PCDHGA6: variants seen among roughly 807,000 people sequenced by gnomAD.
PCDHGA6 encodes the protein protocadherin gamma-A6.
In PCDHGA6, 41 loss-of-function variants were observed where a neutral mutation model predicts 60.6. The ratio of observed to expected loss-of-function variants is 0.68; its 90% confidence interval spans 0.53 to 0.88. The LOEUF (loss-of-function observed/expected upper bound fraction) is 0.88, where lower values mean the gene tolerates loss of function less well. Among genes scored for constraint, PCDHGA6 ranks in the 40% least tolerant of loss-of-function variants. The pLI, the probability that PCDHGA6 is intolerant of heterozygous loss-of-function variation, is 0.00. For missense variants in PCDHGA6, 1,312 were observed against 1,203.0 expected (o/e 1.09, Z -1.34); for synonymous variants, 594 against 524.4 (o/e 1.13, Z -1.81).
At chr5:141,392,693 C>T (rs1315405629) in intron 1 of PCDHGA6, 5 of 1,161,626 alleles carry the variant, frequency 4.3e-6, no homozygotes, top group Non-Finnish European at 5.8e-6. Context: ...GAAACCCGAC[C>T]CCTGTTTGGA....
At position 141,484,932 on chromosome 5, in the gene PCDHGA6, C is replaced by T. The variant is rs1594431677; in HGVS notation, c.2425-9875C>T. On this transcript the variant is annotated intron_variant, in intron 1 of 3. Coordinates refer to ENST00000517434, the MANE Select transcript of PCDHGA6 (RefSeq NM_018919.3). ...CGCATTAACCCTGCTGCTGTTGGGA[C>T]GTTCTCTGCTCAGCCTATTGGCTGA... 1.2e-5 allele frequency: 6 copies of T among 501,356 alleles called. No individual in the cohort carries two copies. The East Asian group carries it at 1.4e-4, about 12-fold the overall frequency. 31.1% of individuals were successfully genotyped at this position (501,356 alleles called of 1,614,324 possible).
intron 1 of PCDHGA6, among the ~76,000 whole-genome samples, chr5:141,466,725 G>A (rs1184472416): frequency 2.6e-5 from 4 of 152,024 alleles, no homozygotes; most frequent in Non-Finnish European, 5.9e-5. Context: ...TTCCATTTTA[G>A]CAGAATTCAT....
rs1318239086 is a variant in PCDHGA6 at position 141,375,939 on chromosome 5, T to C, written c.1856T>C (p.Val619Ala). 2.5e-6 allele frequency: 4 copies of C among 1,613,658 alleles called. No homozygotes were observed. In the East Asian group the frequency reaches 8.9e-5, roughly 36 times the overall value. Residue 619 changes from valine to alanine, a missense_variant, in exon 1 of 4, where the codon GTG (valine) becomes GCG (alanine). Transcript: ENST00000517434. ...LKASEPGLFS[V>A]GLHTGEVRTA... ...GCCAGCGAGCCAGGACTTTTCTCAGTGGGCCTGCACACGGGCGAGGTGCGC... is the reference window on the plus strand; with the variant it reads ...GCCAGCGAGCCAGGACTTTTCTCAGCGGGCCTGCACACGGGCGAGGTGCGC...
Position 141,486,672 on chromosome 5 carries a change from G to A in PCDHGA6, c.2425-8135G>A. The A allele has an allele frequency of 5.0e-6, 8 of 1,614,000 alleles. No homozygotes were observed. Among genetic ancestry groups the A allele is most frequent in the Non-Finnish European group, 5.9e-6 (7 of 1,180,028 alleles). On this transcript the variant is annotated intron_variant, in intron 1 of 3. Coordinates refer to ENST00000517434, the MANE Select transcript of PCDHGA6 (RefSeq NM_018919.3). This position sits in a 1 kb window ranked among gnomAD's most constrained non-coding sequence, Gnocchi z 5.0. Reference sequence around the variant, plus strand: ...TACTCACTCCTGGAGCCCAGGAATCGAGATGTATCAGCTTCCTCTTTCATC... The same window carrying A: ...TACTCACTCCTGGAGCCCAGGAATCAAGATGTATCAGCTTCCTCTTTCATC...
At chr5:141,492,487 C>G (rs1031047955) in intron 1 of PCDHGA6, among the ~76,000 whole-genome samples, 1 of 152,222 alleles carries the variant, frequency 6.6e-6, no homozygotes, top group Non-Finnish European at 1.5e-5. Flanking sequence ...CGCCCAGGAC[C>G]AGGCGAGGAC....
In PCDHGA6 at chr5:141,423,718, A is replaced by G. The variant is rs1450410707; in HGVS notation, c.2424+47211A>G. The G allele has an allele frequency of 4.8e-6, 5 of 1,049,028 alleles. No homozygotes were observed. In the East Asian group the frequency reaches 2.9e-4, roughly 60 times the overall value. 65.0% of individuals were successfully genotyped at this position (1,049,028 alleles called of 1,614,324 possible). On this transcript the variant is annotated intron_variant, in intron 1 of 3. Coordinates refer to ENST00000517434, the MANE Select transcript of PCDHGA6 (RefSeq NM_018919.3). The stretch of plus-strand genomic sequence containing the variant: ...GTGTCTTGGCACAAGTCTTTTAAGG[A>G]GATGTTTTTTGAGCCTGTTATGAAA...
intron 1 of PCDHGA6, among the ~76,000 whole-genome samples, chr5:141,467,628 CA>C (rs1301043003): frequency 6.6e-6 from 1 of 152,106 alleles, no homozygotes; most frequent in Non-Finnish European, 1.5e-5. Context: ...TTTGAGATAG[CA>C]TCTTTATCAT....
chr5:141,497,825 C>T (rs1015168533), intron 2 of PCDHGA6, among the ~76,000 whole-genome samples: 3 of 152,154 alleles, frequency 2.0e-5, no homozygotes, highest in Admixed American at 6.5e-5. Context: ...CAGGTGTGAT[C>T]GCCCCCGGCC....
Position 141,374,678 on chromosome 5 carries a change from A to G in PCDHGA6, c.595A>G (p.Thr199Ala), listed in dbSNP as rs753625335. ...PKYPELVLEG[T>A]LDREGEAVYR... is the part of the protein sequence containing the mutation. ...GTACCCGGAGCTGGTGCTGGAGGGC[A>G]CACTGGACCGGGAAGGAGAAGCCGT... The change falls in exon 1 of 4, where the codon ACA (threonine) becomes GCA (alanine). Residue 199 changes from threonine (T) to alanine (A), a missense_variant. Coordinates refer to ENST00000517434, the MANE Select transcript of PCDHGA6 (RefSeq NM_018919.3). 6.2e-7 allele frequency: 1 copy of G among 1,610,496 alleles called. No homozygotes were observed. The highest frequency in any genetic ancestry group is 1.3e-5 in the African/African-American group (1 of 75,002).
intron 1 of PCDHGA6, chr5:141,404,658 C>A: frequency 6.2e-7 from 1 of 1,614,198 alleles, no homozygotes; most frequent in Non-Finnish European, 8.5e-7. Flanking sequence ...GCCCTCCCCA[C>A]TGATGGTTCT....
chr5:141,494,537 G>C (rs2099755111), intron 1 of PCDHGA6, among the ~76,000 whole-genome samples: 1 of 152,168 alleles, frequency 6.6e-6, no homozygotes, highest in Non-Finnish European at 1.5e-5. Flanking sequence ...TGGGGGCAGG[G>C]AGGAAGGGGC....
In PCDHGA6 at chr5:141,383,423, A is replaced by G. The variant is rs373117845; in HGVS notation, c.2424+6916A>G. 86 of 1,613,864 alleles carry G rather than the reference A, an allele frequency of 5.3e-5. No individual in the cohort carries two copies. The highest frequency in any genetic ancestry group is 1.6e-4 in the Middle Eastern group (1 of 6,084). On this transcript the variant is annotated intron_variant, in intron 1 of 3. Transcript: ENST00000517434. ...CTCCAGAGTTACCAGCTCAGCCCCAATCGCCACTTCTCCCTGGCTGTGCAA... is the reference window on the plus strand; with the variant it reads ...CTCCAGAGTTACCAGCTCAGCCCCAGTCGCCACTTCTCCCTGGCTGTGCAA...
intron 1 of PCDHGA6, among the ~76,000 whole-genome samples, chr5:141,425,689 A>C (rs887583603): frequency 6.6e-6 from 1 of 152,232 alleles, no homozygotes; most frequent in African/African-American, 2.4e-5. Flanking sequence ...ACTGCATATC[A>C]TTTCATAGTG....
chr5:141,393,708 G>A, intron 1 of PCDHGA6: 2 of 1,613,788 alleles, frequency 1.2e-6, no homozygotes, highest in South Asian at 1.1e-5. Context: ...TGAAAATACT[G>A]GGGAAATATC....
In PCDHGA6 at chr5:141,487,087, C is replaced by G. The variant is rs752261507; in HGVS notation, c.2425-7720C>G. 1.2e-6 allele frequency: 2 copies of G among 1,613,890 alleles called. No homozygotes were observed. Among genetic ancestry groups the G allele is most frequent in the Non-Finnish European group, 1.7e-6 (2 of 1,179,804 alleles). ...CGGCTGTTCCTATCCCAGCTGACCT[C>G]CCACCACAGAAGCTGGTCATTGTGG... On this transcript the variant is annotated intron_variant, in intron 1 of 3. Transcript: ENST00000517434. The surrounding 1 kb of genome is among the most constrained non-coding windows in gnomAD (Gnocchi z 5.0).
intron 1 of PCDHGA6, chr5:141,427,983 C>T (rs1390934748): frequency 1.3e-6 from 2 of 1,596,840 alleles, no homozygotes; most frequent in Admixed American, 1.7e-5. Flanking sequence ...CGCGCTGGGG[C>T]CCGATGGCTC....
chr5:141,416,859 G>A (rs1411419006), intron 1 of PCDHGA6: 1 of 151,936 alleles, frequency 6.6e-6, no homozygotes, highest in South Asian at 2.1e-4. Context: ...ATTTTTTTCA[G>A]GTCAGTCAAC....
intron 1 of PCDHGA6, among the ~76,000 whole-genome samples, chr5:141,488,493 C>T (rs1594759823): frequency 6.6e-6 from 1 of 152,226 alleles, no homozygotes; most frequent in East Asian, 1.9e-4. Context: ...AAAACTGTAA[C>T]ACTCATTCCA....
Position 141,511,156 on chromosome 5 carries a change from A to G in PCDHGA6, c.2782A>G (p.Lys928Glu), listed in dbSNP as rs2099883637. 6.2e-7 allele frequency: 1 copy of G among 1,614,080 alleles called. No individual in the cohort carries two copies. The highest frequency in any genetic ancestry group is 1.3e-5 in the African/African-American group (1 of 74,940). Residue 928 changes from lysine (K) to glutamate (E), a missense_variant, in exon 4 of 4, where the codon AAG (lysine) becomes GAG (glutamate). By Grantham distance (56) the Lys-to-Glu change is moderately conservative (BLOSUM62 1). Transcript: ENST00000517434. ...CAATGGCAACAAGAAGAAGTCGGGC[A>G]AGAAGGAGAAGAAGTAACATGGAGG... is the stretch of plus-strand genomic sequence containing the variant. ...GGNGNKKKSG[K>E]KEKK
Sources: gnomAD v4.1 joint callset for allele counts (sites outside exome capture counted in the v4.1 genomes callset) on GRCh38, gnomAD v4.1.1 for gene constraint, Gnocchi (gnomAD v3.1) non-coding constraint, MANE v1.5 for transcripts, NCBI Gene and HGNC (gene_info 2026-07-23, HGNC 2026-07-21) for gene names.